Variants in WWOX observed in about 807,000 individuals in gnomAD.
The protein encoded by WWOX is WW domain-containing oxidoreductase.
WWOX carries 69 observed loss-of-function variants against 46.2 expected under a neutral mutation model. That is an observed-to-expected ratio of 1.49 (90% CI 1.23 to 1.82). The LOEUF (loss-of-function observed/expected upper bound fraction) is 1.82. Among genes scored for constraint, WWOX ranks in the 40% most tolerant of loss-of-function variants. The pLI is 0.00. For missense variants in WWOX, 919 were observed against 542.6 expected, an observed-to-expected ratio of 1.69 and a Z score of -6.89; for synonymous variants, 359 against 202.6, an observed-to-expected ratio of 1.77 and a Z score of -6.56.
rs139583482 is a variant in WWOX, at chr16:78,532,545, A to G, written c.1056+99793A>G. Among the ~76,000 whole-genome samples the G allele has an allele frequency of 5.1e-3, 784 of 152,308 alleles. 10 individuals are homozygous for G. The highest frequency in any genetic ancestry group is 0.018 in the African/African-American group (761 of 41,568). On this transcript the variant is annotated intron_variant, in intron 8 of 8. Coordinates refer to ENST00000566780, the MANE Select transcript of WWOX (RefSeq NM_016373.4). ...ACTGGGTGATTGAGAAGAGTTTAAC[A>G]AAAGACTGTATTAGTCTGTTTTCAT...
intron 8 of WWOX, among the ~76,000 whole-genome samples, chr16:78,686,003 TAAAAC>T (rs1336149694): frequency 3.3e-5 from 5 of 150,538 alleles, no homozygotes; most frequent in East Asian, 2.0e-4. Context: ...GAAATGGAAA[TAAAAC>T]AAAAGGGCAG....
intron 8 of WWOX, among the ~76,000 whole-genome samples, chr16:79,044,730 T>C (rs2048034790): frequency 6.6e-6 from 1 of 152,164 alleles, no homozygotes. Flanking sequence ...AGCAGGATTA[T>C]TGTAGAGGGG....
chr16:78,381,100 C>T (rs1182158629), intron 5 of WWOX, among the ~76,000 whole-genome samples: 1 of 152,180 alleles, frequency 6.6e-6, no homozygotes, highest in Admixed American at 6.5e-5. Context: ...TCCAGGGCAG[C>T]CTGGCTCTGG....
At chr16:78,183,599 G>C (rs181690484) in intron 5 of WWOX, among the ~76,000 whole-genome samples, 3 of 152,312 alleles carry the variant, frequency 2.0e-5, no homozygotes, top group Admixed American at 1.3e-4. Context: ...TGCTTGTCAG[G>C]ATTAAATGAG....
intron 8 of WWOX, among the ~76,000 whole-genome samples, chr16:79,044,496 C>G (rs576516921): frequency 5.3e-5 from 8 of 152,266 alleles, no homozygotes; most frequent in South Asian, 2.1e-4. Flanking sequence ...CCCACCCTGT[C>G]TCTTGCTCCT....
intron 8 of WWOX, among the ~76,000 whole-genome samples, chr16:78,513,099 A>G (rs1200147263): frequency 1.3e-5 from 2 of 152,206 alleles, no homozygotes; most frequent in African/African-American, 4.8e-5. Context: ...TGGAGATTCC[A>G]ACTGGTTTGT....
intron 8 of WWOX, among the ~76,000 whole-genome samples, chr16:78,819,509 G>A (rs978785432): frequency 1.3e-5 from 2 of 152,134 alleles, no homozygotes; most frequent in African/African-American, 4.8e-5. Flanking sequence ...CACTTAATTT[G>A]CATATAATTA....
Position 78,722,696 on chromosome 16 carries a change from CTGTT to C in WWOX, c.1056+289946_1056+289949del, listed in dbSNP as rs1170367245. On this transcript the variant is annotated intron_variant, in intron 8 of 8. Transcript: ENST00000566780. ...GATTTAAAGGAACTGTAGTTTGTCT[CTGTT>C]TTTTTTTTTTTTTTTTTTTTTCCTC... 2.5e-5 allele frequency among the ~76,000 whole-genome samples: 3 copies of C among 117,748 alleles called. No homozygotes were observed. The Admixed American group carries it at 2.7e-4, about 11-fold the overall frequency. The allele number at this position is 117,748 out of a possible 152,430, so 77.2% of individuals were successfully genotyped here.
chr16:78,766,050 A>G (rs1276600519), intron 8 of WWOX, among the ~76,000 whole-genome samples: 1 of 152,236 alleles, frequency 6.6e-6, no homozygotes, highest in African/African-American at 2.4e-5. Context: ...AGGCACACAG[A>G]TGACATGAGC....
intron 8 of WWOX, among the ~76,000 whole-genome samples, chr16:78,502,930 A>G (rs1443074218): frequency 6.6e-6 from 1 of 152,208 alleles, no homozygotes; most frequent in African/African-American, 2.4e-5. Context: ...CAGCGATAGC[A>G]AGGAGCGAAA....
intron 8 of WWOX, among the ~76,000 whole-genome samples, chr16:78,675,153 A>C (rs2047561887): frequency 6.6e-6 from 1 of 152,178 alleles, no homozygotes; most frequent in Admixed American, 6.5e-5. Flanking sequence ...ACGTTCATCA[A>C]AATGGGTAGG....
At chr16:79,179,472 A>T (rs1351628726) in intron 8 of WWOX, among the ~76,000 whole-genome samples, 1 of 152,202 alleles carries the variant, frequency 6.6e-6, no homozygotes, top group Non-Finnish European at 1.5e-5. Context: ...TCCAGTCCGA[A>T]CCAAGGGAAA....
chr16:78,885,192 C>T (rs547777858), intron 8 of WWOX, among the ~76,000 whole-genome samples: 6 of 127,734 alleles, frequency 4.7e-5, no homozygotes, highest in African/African-American at 1.2e-4. Flanking sequence ...TCACTCTCTA[C>T]TTTTTTTTTT....
At chr16:78,888,331 C>A (rs537356216) in intron 8 of WWOX, among the ~76,000 whole-genome samples, 3 of 152,318 alleles carry the variant, frequency 2.0e-5, no homozygotes, top group African/African-American at 4.8e-5. Flanking sequence ...TTTGTTGTTT[C>A]CTTCTCAGAA....
intron 8 of WWOX, among the ~76,000 whole-genome samples, chr16:79,009,751 C>T (rs761706363): frequency 6.6e-6 from 1 of 152,062 alleles, no homozygotes; most frequent in Non-Finnish European, 1.5e-5. Context: ...GCTCCTGGCA[C>T]CCATCAAATT....
chr16:78,299,489 C>CAAATTCCAT (rs2080002378), intron 5 of WWOX, among the ~76,000 whole-genome samples: 1 of 151,768 alleles, frequency 6.6e-6, no homozygotes, highest in African/African-American at 2.4e-5. Context: ...GCTGTGATTT[C>CAAATTCCAT]AAATTCCATT....
intron 8 of WWOX, among the ~76,000 whole-genome samples, chr16:79,122,012 G>C (rs191262328): frequency 1.5e-4 from 23 of 152,224 alleles, no homozygotes; most frequent in African/African-American, 5.5e-4. Context: ...AAAATACCAA[G>C]TTAAGAGCAT....
At chr16:79,170,048 C>A (rs1037477241) in intron 8 of WWOX, among the ~76,000 whole-genome samples, 3 of 152,094 alleles carry the variant, frequency 2.0e-5, no homozygotes, top group African/African-American at 7.2e-5. Context: ...TTATAATGAG[C>A]GCCAACCAGC....
chr16:78,747,628 C>G (rs995798958), intron 8 of WWOX, among the ~76,000 whole-genome samples: 4 of 152,124 alleles, frequency 2.6e-5, no homozygotes, highest in East Asian at 1.9e-4. Context: ...AACCCTGCCT[C>G]TCCTCACCCA....
Sources: gnomAD v4.1 joint callset for allele counts (sites outside exome capture counted in the v4.1 genomes callset) on GRCh38, gnomAD v4.1.1 for gene constraint, MANE v1.5 for transcripts, NCBI Gene and HGNC (gene_info 2026-07-23, HGNC 2026-07-21) for gene names.